Variants in CSMD1 observed in about 807,000 individuals in gnomAD.
CSMD1 encodes CUB and Sushi multiple domains 1.
In CSMD1, 213 loss-of-function variants were observed where a neutral mutation model predicts 417.5. The observed-to-expected ratio is 0.51, with a 90% CI of 0.46 to 0.57. The LOEUF is 0.57. CSMD1 is among the 20% of genes least tolerant of loss of function. CSMD1 has a pLI of 0.00. For synonymous variants in CSMD1, 2,862 were observed against 1,736.8 expected, an observed-to-expected ratio of 1.65 and a Z score of -16.11; for missense variants, 6,923 against 4,529.7, an observed-to-expected ratio of 1.53 and a Z score of -15.17.
chr8:4,455,973 G>C (rs1454517116), intron 2 of CSMD1, among the ~76,000 whole-genome samples: 4 of 37,966 alleles, frequency 1.1e-4, no homozygotes, highest in African/African-American at 2.5e-4. Flanking sequence ...ATGCAGTTAA[G>C]ATATTAGAAG....
At chr8:4,750,150 C>T (rs1431174624) in intron 1 of CSMD1, among the ~76,000 whole-genome samples, 5 of 152,188 alleles carry the variant, frequency 3.3e-5, no homozygotes, top group African/African-American at 4.8e-5. Context: ...GGACTACAGG[C>T]GCCCGCCACC....
intron 3 of CSMD1, among the ~76,000 whole-genome samples, chr8:4,133,464 A>G (rs1003494647): frequency 1.3e-5 from 2 of 152,162 alleles, no homozygotes. Flanking sequence ...TTTTTCTTTC[A>G]GCCCCAAATC....
chr8:4,571,499 C>G (rs1318580167), intron 2 of CSMD1, among the ~76,000 whole-genome samples: 2 of 152,168 alleles, frequency 1.3e-5, no homozygotes, highest in Non-Finnish European at 2.9e-5. Flanking sequence ...GCACTGTGGT[C>G]TGAGAGACTG....
intron 5 of CSMD1, among the ~76,000 whole-genome samples, chr8:3,838,954 C>A (rs1312330950): frequency 9.7e-6 from 1 of 103,008 alleles, no homozygotes; most frequent in African/African-American, 4.3e-5. Context: ...AAATTAATAT[C>A]TATAAATTAA....
At chr8:3,367,453 G>C (rs921755103) in intron 19 of CSMD1, among the ~76,000 whole-genome samples, 1 of 151,876 alleles carries the variant, frequency 6.6e-6, no homozygotes, top group African/African-American at 2.4e-5. Context: ...GAGATGGAGA[G>C]AGATGGAGAG....
intron 3 of CSMD1, among the ~76,000 whole-genome samples, chr8:4,041,023 T>C (rs1444952377): frequency 2.3e-4 from 28 of 124,326 alleles, no homozygotes; most frequent in Admixed American, 7.3e-4. Context: ...TTTCCTTTTT[T>C]TTTTTTTTTT....
chr8:4,329,301 T>C (rs1388660130), intron 3 of CSMD1, among the ~76,000 whole-genome samples: 2 of 152,202 alleles, frequency 1.3e-5, no homozygotes, highest in Non-Finnish European at 2.9e-5. Flanking sequence ...TACTCATTTA[T>C]TTTTTGAGAT....
chr8:4,749,823 T>G (rs1297055352), intron 1 of CSMD1, among the ~76,000 whole-genome samples: 1 of 152,196 alleles, frequency 6.6e-6, no homozygotes, highest in African/African-American at 2.4e-5. Context: ...ATAAGATGTT[T>G]TGCTGGTAAT....
At chr8:4,144,682 G>A (rs1804004062) in intron 3 of CSMD1, among the ~76,000 whole-genome samples, 1 of 151,042 alleles carries the variant, frequency 6.6e-6, no homozygotes, top group Admixed American at 6.6e-5. Flanking sequence ...TCCCGACTGT[G>A]CGGTTTTACA....
chr8:3,515,527 G>C (rs938687169), intron 10 of CSMD1, among the ~76,000 whole-genome samples: 14 of 152,144 alleles, frequency 9.2e-5, no homozygotes, highest in Non-Finnish European at 1.8e-4. Flanking sequence ...GTTGGCAACT[G>C]TTCAGGAGAA....
In CSMD1 at chr8:4,538,768, G is replaced by A. The variant is rs556064990; in HGVS notation, c.302+98574C>T. 3.3e-5 allele frequency among the ~76,000 whole-genome samples: 5 copies of A among 152,344 alleles called. 1 individual carries two copies. Among genetic ancestry groups the A allele is most frequent in the South Asian group, 4.1e-4 (2 of 4,828 alleles). On this transcript the variant is annotated intron_variant, in intron 2 of 69. Transcript: ENST00000635120. ...TTGATGAAGGGATTTGATGAAGTTAGTGTTTACCCATTTTACAGATAAGGA... is the reference window on the plus strand; with the variant it reads ...TTGATGAAGGGATTTGATGAAGTTAATGTTTACCCATTTTACAGATAAGGA...
At chr8:4,535,214 A>G (rs946218882) in intron 2 of CSMD1, among the ~76,000 whole-genome samples, 1 of 152,234 alleles carries the variant, frequency 6.6e-6, no homozygotes, top group Non-Finnish European at 1.5e-5. Context: ...TATCAATAAC[A>G]TAGTCAATAA....
At chr8:4,806,913 A>C (rs1798621965) in intron 1 of CSMD1, among the ~76,000 whole-genome samples, 1 of 152,244 alleles carries the variant, frequency 6.6e-6, no homozygotes. Flanking sequence ...GAGCAAGTAC[A>C]GATGCATGCC....
At chr8:3,098,994 G>T (rs916545429) in intron 46 of CSMD1, among the ~76,000 whole-genome samples, 1 of 150,802 alleles carries the variant, frequency 6.6e-6, no homozygotes, top group Non-Finnish European at 1.5e-5. Context: ...GGGACCAACC[G>T]CCCCAAAAAG....
intron 10 of CSMD1, among the ~76,000 whole-genome samples, chr8:3,521,972 A>T (rs2117455597): frequency 6.6e-6 from 1 of 152,336 alleles, no homozygotes; most frequent in East Asian, 1.9e-4. Context: ...AATTAACAAA[A>T]CTTTCATTTC....
intron 1 of CSMD1, among the ~76,000 whole-genome samples, chr8:4,761,506 T>C (rs759550935): frequency 2.0e-5 from 3 of 152,140 alleles, no homozygotes; most frequent in Non-Finnish European, 4.4e-5. Flanking sequence ...ATTGCATATG[T>C]AGTTTCATCA....
At chr8:4,190,960 G>C (rs547959028) in intron 3 of CSMD1, among the ~76,000 whole-genome samples, 4 of 151,846 alleles carry the variant, frequency 2.6e-5, no homozygotes, top group Admixed American at 6.6e-5. Context: ...GAGTGGGGGG[G>C]GCGGGGAAGG....
chr8:3,251,218 C>T (rs1311544100), intron 26 of CSMD1, among the ~76,000 whole-genome samples: 96 of 147,396 alleles, frequency 6.5e-4, no homozygotes, highest in South Asian at 2.4e-3. Context: ...AAGTCTTTAA[C>T]CCATCTTGAA....
rs141732527 is a variant in CSMD1, at chr8:3,573,355, A to C, written c.1344+1590T>G. On this transcript the variant is annotated intron_variant, in intron 10 of 69. Coordinates refer to ENST00000635120, the MANE Select transcript of CSMD1 (RefSeq NM_033225.6). The stretch of plus-strand genomic sequence containing the variant: ...TAAAAAACTGAGTAACAAACCATTG[A>C]GTAGCATATAGAAAAAACAAGGTTT... Among the ~76,000 whole-genome samples the C allele has an allele frequency of 6.9e-4, 105 of 152,312 alleles. 1 individual carries two copies. The highest frequency in any genetic ancestry group is 2.3e-3 in the African/African-American group (94 of 41,558).
Sources: allele counts gnomAD v4.1 joint callset (sites outside exome capture counted in the v4.1 genomes callset), GRCh38; gene constraint gnomAD v4.1.1; transcripts MANE v1.5; gene names NCBI Gene and HGNC (gene_info 2026-07-23, HGNC 2026-07-21).